The following ZSCAN5A variants were observed in gnomAD, a reference collection of about 807,000 sequenced individuals.
The protein encoded by ZSCAN5A is zinc finger and SCAN domain-containing protein 5A.
A neutral mutation model predicts 23.7 loss-of-function variants in ZSCAN5A; 12 were observed. That is an observed-to-expected ratio of 0.51 (90% CI 0.32 to 0.82). The LOEUF is 0.82. ZSCAN5A is among the 40% of genes least tolerant of loss of function. ZSCAN5A has a pLI of 0.03. For missense variants in ZSCAN5A, 597 were observed against 617.9 expected (o/e 0.97, Z 0.36); for synonymous variants, 257 against 239.9 (o/e 1.07, Z -0.66).
chr19:56,308,638 C>A (rs906917518), intron 2 of ZSCAN5A, among the ~76,000 whole-genome samples: 4 of 149,930 alleles, frequency 2.7e-5, no homozygotes, highest in Non-Finnish European at 5.9e-5. Flanking sequence ...TAAATCATTT[C>A]TGATTCCCCC....
chr19:56,271,144 A>C (rs2037819140), intron 2 of ZSCAN5A, among the ~76,000 whole-genome samples: 1 of 152,238 alleles, frequency 6.6e-6, no homozygotes, highest in Admixed American at 6.5e-5. Context: ...GAAAATCGAA[A>C]CGTAGGACTA....
At chr19:56,249,534 T>C (rs1011557921) in intron 2 of ZSCAN5A, among the ~76,000 whole-genome samples, 2 of 152,210 alleles carry the variant, frequency 1.3e-5, no homozygotes, top group African/African-American at 4.8e-5. Context: ...AGCCTCCCAA[T>C]GTGCTGGGAT....
At chr19:56,319,413 T>C (rs189093631), upstream of ZSCAN5A, among the ~76,000 whole-genome samples, 10 of 142,742 alleles carry the variant, frequency 7.0e-5, no homozygotes, top group East Asian at 2.0e-3. Context: ...AAAGAATTGC[T>C]TGAACCTGGG....
intron 2 of ZSCAN5A, among the ~76,000 whole-genome samples, chr19:56,279,607 A>G (rs974637983): frequency 1.3e-5 from 2 of 152,214 alleles, no homozygotes; most frequent in African/African-American, 4.8e-5. Flanking sequence ...GAATCCTCAC[A>G]CTGGACCATC....
At chr19:56,253,591 C>A (rs192479970) in intron 2 of ZSCAN5A, among the ~76,000 whole-genome samples, 116 of 147,702 alleles carry the variant, frequency 7.9e-4, no homozygotes, top group Admixed American at 2.0e-3. Flanking sequence ...GCTGGCAAGA[C>A]ACACACTGGC....
intron 2 of ZSCAN5A, among the ~76,000 whole-genome samples, chr19:56,265,522 G>T (rs932130163): frequency 9.9e-5 from 15 of 151,754 alleles, no homozygotes; most frequent in African/African-American, 3.4e-4. Context: ...GGTTGCCTTA[G>T]AACACAAACA....
At chr19:56,266,159 T>C (rs1329618637) in intron 2 of ZSCAN5A, 1 of 152,346 alleles carries the variant, frequency 6.6e-6, no homozygotes. Flanking sequence ...CTAATAGATA[T>C]GAAGTGCTTA....
intron 2 of ZSCAN5A, among the ~76,000 whole-genome samples, chr19:56,265,570 C>T (rs539617795): frequency 1.3e-5 from 2 of 151,670 alleles, no homozygotes; most frequent in African/African-American, 4.8e-5. Context: ...TTTTTGGGTT[C>T]CAGTGGCAGA....
At chr19:56,330,973 A>C (rs2041483437) in intron 2 of ZSCAN5A, among the ~76,000 whole-genome samples, 1 of 152,058 alleles carries the variant, frequency 6.6e-6, no homozygotes, top group African/African-American at 2.4e-5. Context: ...TTCTTGAGTT[A>C]ATTTTTGTAT....
chr19:56,366,440 A>G (rs903812681), intron 1 of ZSCAN5A, among the ~76,000 whole-genome samples: 11 of 151,840 alleles, frequency 7.2e-5, no homozygotes, highest in South Asian at 2.1e-4. Context: ...AAAAAAAAAA[A>G]AAAGAAACCT....
intron 2 of ZSCAN5A, among the ~76,000 whole-genome samples, chr19:56,231,967 A>G (rs986143155): frequency 7.2e-6 from 1 of 138,606 alleles, no homozygotes; most frequent in African/African-American, 2.7e-5. Flanking sequence ...CACGGACAGA[A>G]TTTTCTTTTT....
chr19:56,253,072 C>T (rs1225058303), intron 2 of ZSCAN5A, among the ~76,000 whole-genome samples: 1 of 152,166 alleles, frequency 6.6e-6, no homozygotes. Context: ...CGGCACTGAA[C>T]CTGTGGACTT....
chr19:56,346,589 A>G (rs1280757379), intron 2 of ZSCAN5A, among the ~76,000 whole-genome samples: 4 of 152,146 alleles, frequency 2.6e-5, no homozygotes, highest in African/African-American at 7.2e-5. Flanking sequence ...TAAACTTTAG[A>G]TATCAACGGA....
Position 56,222,696 on chromosome 19 carries a change from G to A in ZSCAN5A, c.634C>T (p.Pro212Ser). 10 of 1,614,046 alleles carry A rather than the reference G, an allele frequency of 6.2e-6. No individual in the cohort carries two copies. Among genetic ancestry groups the A allele is most frequent in the Non-Finnish European group, 8.5e-6 (10 of 1,180,016 alleles). The change falls in exon 5 of 6, where the codon CCA (proline) becomes TCA (serine). Residue 212 changes from proline to serine, a missense_variant. Around this residue, in one of 5 missense-constraint regions of ZSCAN5A, gnomAD observed 406 missense variants for 353.2 expected, o/e 1.15. Transcript: ENST00000683990. ...LHKSIDVTGD[P>S]KSLRPKQTLE... Reference sequence around the variant, plus strand: ...GTCTGCTTGGGTCTCAGAGACTTTGGGTCACCTGTTACGTCAATACTCTTG... The same window carrying A: ...GTCTGCTTGGGTCTCAGAGACTTTGAGTCACCTGTTACGTCAATACTCTTG...
chr19:56,332,707 C>T (rs1180260903), intron 2 of ZSCAN5A, among the ~76,000 whole-genome samples: 2 of 152,102 alleles, frequency 1.3e-5, no homozygotes, highest in Non-Finnish European at 2.9e-5. Flanking sequence ...GAAGTTGTTG[C>T]CTAGTTGCTT....
At chr19:56,238,744 G>T (rs3972666) in intron 2 of ZSCAN5A, among the ~76,000 whole-genome samples, 29,514 of 150,024 alleles carry the variant, frequency 0.2, 3,220 homozygotes, top group East Asian at 0.47. Context: ...TGGAAAGATA[G>T]TCCATGTTCA....
chr19:56,242,616 T>C lies in ZSCAN5A; in HGVS notation c.-127-17443A>G, dbSNP rs541457643. 4.5e-4 allele frequency among the ~76,000 whole-genome samples: 68 copies of C among 152,296 alleles called. 2 individuals are homozygous for C. The highest frequency in any genetic ancestry group is 1.5e-3 in the African/African-American group (62 of 41,568). On this transcript the variant is annotated intron_variant, in intron 2 of 5. Coordinates refer to ENST00000683990, the MANE Select transcript of ZSCAN5A (RefSeq NM_001322064.3). ...CCTCCTGTCAATTCTTTCTTCCTTCTGAAGACCTTTCGGTTGCTTCCCCCA... is the reference window on the plus strand; with the variant it reads ...CCTCCTGTCAATTCTTTCTTCCTTCCGAAGACCTTTCGGTTGCTTCCCCCA...
chr19:56,318,557 CT>C (rs1314095626), upstream of ZSCAN5A, among the ~76,000 whole-genome samples: 3 of 152,116 alleles, frequency 2.0e-5, no homozygotes, highest in African/African-American at 7.2e-5. Context: ...CATACTAGGG[CT>C]TTTTCACTCC....
At chr19:56,319,498 G>GAAAAA (rs57164685), upstream of ZSCAN5A, among the ~76,000 whole-genome samples, 8 of 78,422 alleles carry the variant, frequency 1.0e-4, no homozygotes, top group Non-Finnish European at 1.4e-4. Context: ...TCCATCTCGG[G>GAAAAA]AAAAAAAAAA....
Sources: gnomAD v4.1 joint callset for allele counts (sites outside exome capture counted in the v4.1 genomes callset) on GRCh38, gnomAD v4.1.1 for gene constraint, gnomAD v4.1.1 regional missense constraint, MANE v1.5 for transcripts, NCBI Gene and HGNC (gene_info 2026-07-23, HGNC 2026-07-21) for gene names.